Variants in NTAN1 observed in about 807,000 individuals in gnomAD.
The protein encoded by NTAN1 is N-terminal asparagine amidase.
NTAN1 carries 32 observed loss-of-function variants against 41.9 expected under a neutral mutation model. The ratio of observed to expected loss-of-function variants is 0.76; its 90% CI spans 0.58 to 1.03. The LOEUF is 1.03. NTAN1 is among the 50% of genes least tolerant of loss of function. The probability of loss-of-function intolerance (pLI) is 0.00; values close to 1 mark genes in which losing one functional copy is unlikely to be tolerated. For missense variants in NTAN1, 377 were observed against 377.5 expected (o/e 1.00, Z 0.01); for synonymous variants, 140 against 139.5 (o/e 1.00, Z -0.03).
chr16:15,044,622 G>A, intron 4 of NTAN1: 1 of 587,972 alleles, frequency 1.7e-6, no homozygotes, highest in Non-Finnish European at 3.0e-6. Flanking sequence ...TGATGACTGA[G>A]GGGATCCGTA....
At chr16:15,053,790 A>C (rs1210591417) in intron 1 of NTAN1, among the ~76,000 whole-genome samples, 1 of 152,176 alleles carries the variant, frequency 6.6e-6, no homozygotes, top group Non-Finnish European at 1.5e-5. Context: ...ATGCACCTGT[A>C]ATCCCAGCTA....
intron 8 of NTAN1, among the ~76,000 whole-genome samples, chr16:15,039,632 C>A (rs144356681): frequency 4.6e-5 from 7 of 152,248 alleles, no homozygotes; most frequent in African/African-American, 1.4e-4. Flanking sequence ...GGGGAGAAAC[C>A]TCTCTCCTGC....
At chr16:15,055,695 T>G in intron 1 of NTAN1, 196 bp downstream of exon 1, 1 of 372,836 alleles carries the variant, frequency 2.7e-6, no homozygotes, top group Non-Finnish European at 4.8e-6. Context: ...GAGAGTGGCC[T>G]CCGGGGCAGC....
At chr16:15,051,848 C>G (rs544834361) in intron 1 of NTAN1, among the ~76,000 whole-genome samples, 2 of 152,060 alleles carry the variant, frequency 1.3e-5, no homozygotes, top group Non-Finnish European at 2.9e-5. Context: ...GAACCACAGG[C>G]GCACGCCACC....
intron 1 of NTAN1, among the ~76,000 whole-genome samples, chr16:15,052,359 C>T (rs2044326692): frequency 6.6e-6 from 1 of 152,204 alleles, no homozygotes; most frequent in South Asian, 2.1e-4. Context: ...ATAGGCTATA[C>T]ATAAGCAGGG....
intron 1 of NTAN1, among the ~76,000 whole-genome samples, chr16:15,054,485 C>A (rs996426947): frequency 6.6e-6 from 1 of 152,178 alleles, no homozygotes; most frequent in African/African-American, 2.4e-5. Context: ...ATTATTTTTC[C>A]TTGGTGAGTC....
intron 1 of NTAN1, among the ~76,000 whole-genome samples, chr16:15,049,832 A>C (rs956843063): frequency 6.6e-5 from 10 of 152,256 alleles, no homozygotes; most frequent in Non-Finnish European, 1.3e-4. Flanking sequence ...ATGAGAAATG[A>C]AAACTATGGG....
chr16:15,055,657 C>T (rs896176324), intron 1 of NTAN1: 2 of 356,822 alleles, frequency 5.6e-6, no homozygotes, highest in Admixed American at 9.4e-5. Context: ...CACCTAACCT[C>T]TCTGGGCCCC....
chr16:15,038,175 G>A lies in NTAN1; in HGVS notation c.789C>T (p.His263=). 6.2e-7 allele frequency: 1 copy of A among 1,613,514 alleles called. No homozygotes were observed. The highest frequency in any genetic ancestry group is 8.5e-7 in the Non-Finnish European group (1 of 1,179,798). Residue 263 remains histidine (H), a synonymous_variant, in exon 10 of 10, where the codon CAC becomes CAT. Transcript: ENST00000287706. ...AGGTAGATCTAATATGTTCAACAAA[G>A]TGGGGTGGCTCAGCCAGAGGCGAAG... ...LSTSPLAEPP[H]FVEHIRSTLM...
Position 15,047,984 on chromosome 16 carries a change from C to T in NTAN1, c.184+13G>A. The T allele has an allele frequency of 6.2e-7, 1 of 1,606,428 alleles. No homozygotes were observed. The highest frequency in any genetic ancestry group is 8.5e-7 in the Non-Finnish European group (1 of 1,172,974). On this transcript the variant is annotated intron_variant, in intron 2 of 9. Coordinates refer to ENST00000287706, the MANE Select transcript of NTAN1 (RefSeq NM_173474.4). The stretch of plus-strand genomic sequence containing the variant: ...TTTTGGGATAACGCCCAATTCACTG[C>T]TTCCTAACCTACCATCCTTTGGGGA...
Position 15,038,033 on chromosome 16 carries a change from A to AACTT in NTAN1, c.927_930dup (p.Ter311LysfsTer46), listed in dbSNP as rs1481933838. ...CTTTCTTTGGTAATTCATGTTTTTT[A>AACTT]ACTTCCTGGAGAAGAGATCTTTTCC... is the stretch of plus-strand genomic sequence containing the variant. On this transcript the variant is annotated frameshift_variant, in exon 10 of 10. Coordinates refer to ENST00000287706, the MANE Select transcript of NTAN1 (RefSeq NM_173474.4). LOFTEE classifies it high-confidence loss of function. 4 of 1,609,122 alleles carry AACTT rather than the reference A, an allele frequency of 2.5e-6. No homozygotes were observed. The highest frequency in any genetic ancestry group is 3.4e-6 in the Non-Finnish European group (4 of 1,178,132).
intron 5 of NTAN1, among the ~76,000 whole-genome samples, chr16:15,043,356 A>G (rs143819486): frequency 6.6e-6 from 1 of 152,160 alleles, no homozygotes; most frequent in Non-Finnish European, 1.5e-5. Context: ...CTTTTTTAAG[A>G]GTTATGGCGA....
chr16:15,043,464 C>G (rs1242377361), intron 5 of NTAN1, among the ~76,000 whole-genome samples: 3 of 152,168 alleles, frequency 2.0e-5, no homozygotes, highest in Non-Finnish European at 2.9e-5. Context: ...ATCACTTGAG[C>G]CCAGTAGGTT....
rs1347619738 is a variant in NTAN1, at chr16:15,046,318, A to C, written c.359+1124T>G. ...CGTATATGATGGGAGTAGTTCACTC[A>C]ATGGCTGCCTTAGACTTCCAGTAAA... is the stretch of plus-strand genomic sequence containing the variant. On this transcript the variant is annotated intron_variant, in intron 4 of 9. Coordinates refer to ENST00000287706, the MANE Select transcript of NTAN1 (RefSeq NM_173474.4). 2.0e-5 allele frequency among the ~76,000 whole-genome samples: 3 copies of C among 152,192 alleles called. No individual in the cohort carries two copies. The East Asian group carries it at 5.8e-4, about 29-fold the overall frequency.
At chr16:15,052,129 A>G (rs2044317061) in intron 1 of NTAN1, among the ~76,000 whole-genome samples, 1 of 152,118 alleles carries the variant, frequency 6.6e-6, no homozygotes, top group Non-Finnish European at 1.5e-5. Context: ...GACAGTAAAT[A>G]TTTGGGGTTC....
At chr16:15,044,291 A>G (rs946833150) in intron 5 of NTAN1, 43 bp downstream of exon 5, 1 of 1,384,354 alleles carries the variant, frequency 7.2e-7, no homozygotes. Flanking sequence ...ATGGGTACAT[A>G]TTTATGTCCA....
chr16:15,040,016 C>T lies in NTAN1; in HGVS notation c.592G>A (p.Gly198Ser). 4 of 1,612,300 alleles carry T rather than the reference C, an allele frequency of 2.5e-6. No homozygotes were observed. The highest frequency in any genetic ancestry group is 3.4e-6 in the Non-Finnish European group (4 of 1,178,622). The change falls in exon 8 of 10, where the codon GGT (glycine) becomes AGT (serine). Residue 198 changes from glycine (G) to serine (S), a missense_variant. By Grantham distance (56) the Gly-to-Ser change is moderately conservative. Transcript: ENST00000287706. ...EIYRASFQDR[G>S]PEEQLRAART... ...GCAGCACGAAGCTGCTCCTCCGGAC[C>T]CCGATCTTGAAAGGATGCTCTGTAA...
At chr16:15,054,464 A>G (rs1028554486) in intron 1 of NTAN1, among the ~76,000 whole-genome samples, 1 of 152,220 alleles carries the variant, frequency 6.6e-6, no homozygotes, top group Non-Finnish European at 1.5e-5. Context: ...TAAATTCTTC[A>G]GGCGGCTGAA....
chr16:15,052,230 C>G (rs2044321430), intron 1 of NTAN1, among the ~76,000 whole-genome samples: 1 of 152,126 alleles, frequency 6.6e-6, no homozygotes, highest in South Asian at 2.1e-4. Flanking sequence ...GGCTGTGTTC[C>G]AATAAAACTT....
Sources: gnomAD v4.1 joint callset for allele counts (sites outside exome capture counted in the v4.1 genomes callset) on GRCh38, gnomAD v4.1.1 for gene constraint, MANE v1.5 for transcripts, NCBI Gene and HGNC (gene_info 2026-07-23, HGNC 2026-07-21) for gene names.